Variants in CEP95 observed in about 807,000 individuals in gnomAD.
CEP95 encodes centrosomal protein 95.
In CEP95, 98 loss-of-function variants were observed where a neutral mutation model predicts 111.2. The observed-to-expected ratio is 0.88, with a 90% CI of 0.75 to 1.04. CEP95 has a LOEUF of 1.04. CEP95 is among the 50% of genes least tolerant of loss of function. The pLI is 0.00. For synonymous variants in CEP95, 323 were observed against 327.1 expected (o/e 0.99, Z 0.14); for missense variants, 1,027 against 977.2 (o/e 1.05, Z -0.68).
intron 16 of CEP95, among the ~76,000 whole-genome samples, chr17:64,533,705 T>A (rs1481098918): frequency 1.3e-5 from 2 of 152,200 alleles, no homozygotes; most frequent in African/African-American, 4.8e-5. Flanking sequence ...GTATTAGAGA[T>A]GTTTTCTATG....
At chr17:64,519,257 A>C in intron 5 of CEP95, 64 bp from the exon 6 acceptor site, 1 of 1,015,016 alleles carries the variant, frequency 9.9e-7, no homozygotes, top group Non-Finnish European at 1.5e-6. Context: ...GCAGCTCTCC[A>C]GGTCCTCAGG....
chr17:64,507,371 G>A, intron 1 of CEP95: 1 of 1,406,122 alleles, frequency 7.1e-7, no homozygotes, highest in South Asian at 1.6e-5. Context: ...GGTCCTGGCT[G>A]TAAAAAGAGC....
rs368152443 is a variant in CEP95, at chr17:64,522,820, A to T, written c.834A>T (p.Ile278=). The change falls in exon 8 of 20, where the codon ATA becomes ATT. Residue 278 remains isoleucine, a synonymous_variant. Coordinates refer to ENST00000556440, the MANE Select transcript of CEP95 (RefSeq NM_138363.3). ...HPSEPRAPCP[I]GKEYLHSSHC... is the part of the protein sequence containing the mutation. ...CAGAGCCTCGAGCACCCTGCCCCAT[A>T]GGAAAAGAATACTTGCATTCAAGTC... 1 of 1,613,698 alleles carries T rather than the reference A, an allele frequency of 6.2e-7. No individual in the cohort carries two copies. Among genetic ancestry groups the T allele is most frequent in the Non-Finnish European group, 8.5e-7 (1 of 1,179,846 alleles).
chr17:64,537,076 T>C lies in CEP95; in HGVS notation c.2253T>C (p.His751=). 6.2e-7 allele frequency: 1 copy of C among 1,613,180 alleles called. No homozygotes were observed. Among genetic ancestry groups the C allele is most frequent in the Non-Finnish European group, 8.5e-7 (1 of 1,179,532 alleles). ...TGGCAGAAGCCATATCACAGGAACA[T>C]CAAGAACTTAAAGCCAGAGAGAAAT... ...SLLAEAISQE[H]QELKAREKSQ... is the part of the protein sequence containing the mutation. The change falls in exon 19 of 20, where the codon CAT becomes CAC. Residue 751 remains histidine (H), a synonymous_variant. Transcript: ENST00000556440.
chr17:64,509,747 GTTTTT>G (rs1205308102), intron 2 of CEP95, among the ~76,000 whole-genome samples: 1 of 149,302 alleles, frequency 6.7e-6, no homozygotes, highest in Admixed American at 6.7e-5. Context: ...TGCCTGCTGT[GTTTTT>G]TTTTTCTTCG....
chr17:64,533,612 C>A (rs1968441614), intron 16 of CEP95, among the ~76,000 whole-genome samples: 1 of 152,020 alleles, frequency 6.6e-6, no homozygotes, highest in Non-Finnish European at 1.5e-5. Context: ...GTCTCAACAA[C>A]AACAAAACAC....
upstream of CEP95, chr17:64,506,878 CA>C (rs1364587634): frequency 1.7e-5 from 11 of 643,758 alleles, no homozygotes; most frequent in Non-Finnish European, 2.8e-5. Flanking sequence ...CTAAACTTCC[CA>C]AACCGCCCCC....
rs1555680772 is a variant in CEP95, at chr17:64,533,145, T to A, written c.1871T>A (p.Leu624His). ...EIEEALRRHD[L>H]LTTLVKKEYE... ...GAAGAAGCCCTAAGAAGGCATGACCTCCTTACTACCCTTGTCAAGAAAGAA... is the reference window on the plus strand; with the variant it reads ...GAAGAAGCCCTAAGAAGGCATGACCACCTTACTACCCTTGTCAAGAAAGAA... Residue 624 changes from leucine (L) to histidine (H), a missense_variant, in exon 16 of 20, where the codon CTC becomes CAC. By Grantham distance (99) the Leu-to-His change is moderately conservative. Coordinates refer to ENST00000556440, the MANE Select transcript of CEP95 (RefSeq NM_138363.3). 1 of 1,599,480 alleles carries A rather than the reference T, an allele frequency of 6.3e-7. No homozygotes were observed. Among genetic ancestry groups the A allele is most frequent in the East Asian group, 2.2e-5 (1 of 44,854 alleles).
chr17:64,522,704 G>C lies in CEP95; in HGVS notation c.718G>C (p.Glu240Gln). 6.2e-7 allele frequency: 1 copy of C among 1,611,594 alleles called. No homozygotes were observed. The highest frequency in any genetic ancestry group is 8.5e-7 in the Non-Finnish European group (1 of 1,178,840). ...KSRTSFVEDT[E>Q]TLSVSGIPNA... is the part of the protein sequence containing the mutation. ...TCCACTTTAATTTGTCTTACTAGCGGAAACCCTTTCTGTGAGTGGGATTCC... is the reference window on the plus strand; with the variant it reads ...TCCACTTTAATTTGTCTTACTAGCGCAAACCCTTTCTGTGAGTGGGATTCC... The change falls in exon 8 of 20, where the codon GAA (glutamate) becomes CAA (glutamine). Residue 240 changes from glutamate to glutamine, a missense_variant and splice_region_variant. Coordinates refer to ENST00000556440, the MANE Select transcript of CEP95 (RefSeq NM_138363.3).
chr17:64,527,943 A>G (rs1568147765), intron 11 of CEP95, among the ~76,000 whole-genome samples: 1 of 151,210 alleles, frequency 6.6e-6, no homozygotes, highest in East Asian at 2.0e-4. Context: ...ATTGCTGGAC[A>G]TGTTGTTTCC....
At chr17:64,508,840 TA>T (rs2144321456) in intron 2 of CEP95, 120 bp downstream of exon 2, 1 of 272,034 alleles carries the variant, frequency 3.7e-6, no homozygotes, top group Non-Finnish European at 6.8e-6. Flanking sequence ...TTTCTTTTTT[TA>T]ATATTGCATA....
At chr17:64,519,990 G>T (rs552943848) in intron 6 of CEP95, among the ~76,000 whole-genome samples, 38 of 152,308 alleles carry the variant, frequency 2.5e-4, no homozygotes, top group African/African-American at 8.4e-4. Flanking sequence ...TGGACCACAA[G>T]TCTTGGAATG....
chr17:64,531,003 G>T lies in CEP95; in HGVS notation c.1524G>T (p.Glu508Asp). The T allele has an allele frequency of 6.5e-7, 1 of 1,544,278 alleles. No individual in the cohort carries two copies. Among genetic ancestry groups the T allele is most frequent in the Non-Finnish European group, 8.8e-7 (1 of 1,140,122 alleles). The change falls in exon 13 of 20, where the codon GAG (glutamate) becomes GAT (aspartate). Residue 508 changes from glutamate to aspartate, a missense_variant. Transcript: ENST00000556440. The stretch of plus-strand genomic sequence containing the variant: ...ATATTGGACCTCTAAGAATACATGA[G>T]AAGGAGGAGGAAACAGTGGGTAAAA... Reference protein sequence around the residue: ...QENIGPLRIHEKEEETEKIYR... With the variant: ...QENIGPLRIHDKEEETEKIYR...
chr17:64,529,515 AG>A (rs1281138453), intron 12 of CEP95, 88 bp downstream of exon 12: 1 of 1,364,334 alleles, frequency 7.3e-7, no homozygotes, highest in Non-Finnish European at 1.0e-6. Context: ...CTGTTGATTT[AG>A]GCTTAAAATA....
chr17:64,534,965 T>C, intron 17 of CEP95: 2 of 498,924 alleles, frequency 4.0e-6, no homozygotes, highest in South Asian at 4.0e-5. Flanking sequence ...GAAGTCTTAC[T>C]TCCTCCCTGC....
chr17:64,536,917 A>G, intron 18 of CEP95, 124 bp from the exon 19 acceptor site: 1 of 1,180,418 alleles, frequency 8.5e-7, no homozygotes, highest in Non-Finnish European at 1.2e-6. Context: ...ATAATACCTG[A>G]CCATAGTACA....
intron 12 of CEP95, among the ~76,000 whole-genome samples, chr17:64,529,943 T>C (rs1393195399): frequency 1.3e-5 from 2 of 152,242 alleles, no homozygotes; most frequent in Non-Finnish European, 2.9e-5. Flanking sequence ...GGATTTATAA[T>C]GGTGAAAAAC....
At chr17:64,508,507 G>A (rs1209101227) in intron 1 of CEP95, 85 bp from the exon 2 acceptor site, 5 of 1,232,618 alleles carry the variant, frequency 4.1e-6, no homozygotes, top group Non-Finnish European at 5.1e-6. Context: ...TTTTGTTGGG[G>A]GGGAGGTTGT....
At chr17:64,507,583 A>G (rs2038628618) in intron 1 of CEP95, 1 of 1,023,460 alleles carries the variant, frequency 9.8e-7, no homozygotes, top group Non-Finnish European at 1.2e-6. Context: ...TTTTCTCTTC[A>G]GTGCCCTCTA....
Sources: gnomAD v4.1 joint callset for allele counts (sites outside exome capture counted in the v4.1 genomes callset) on GRCh38, gnomAD v4.1.1 for gene constraint, MANE v1.5 for transcripts, NCBI Gene and HGNC (gene_info 2026-07-23, HGNC 2026-07-21) for gene names.